CDH13: variants seen among roughly 807,000 people sequenced by gnomAD.
CDH13 encodes cadherin-13.
A neutral mutation model predicts 63.8 loss-of-function variants in CDH13; 24 were observed. That is an observed-to-expected ratio of 0.38 (90% CI 0.27 to 0.53). The LOEUF (loss-of-function observed/expected upper bound fraction) is 0.53, where lower values mean the gene tolerates loss of function less well. CDH13 is among the 20% of genes least tolerant of loss of function. CDH13 has a pLI of 0.85. For missense variants in CDH13, 1,049 were observed against 903.1 expected (o/e 1.16, Z -2.07); for synonymous variants, 503 against 355.3 (o/e 1.42, Z -4.67).
intron 2 of CDH13, among the ~76,000 whole-genome samples, chr16:82,973,791 T>A (rs112510901): frequency 6.6e-6 from 1 of 152,236 alleles, no homozygotes; most frequent in Admixed American, 6.5e-5. Flanking sequence ...TGCACAAATA[T>A]GTCTTTTTGC....
intron 1 of CDH13, among the ~76,000 whole-genome samples, chr16:82,716,797 A>G (rs1158570330): frequency 2.0e-5 from 3 of 151,612 alleles, no homozygotes; most frequent in African/African-American, 7.3e-5. Context: ...GACTTCACCC[A>G]CCAAAAATCC....
chr16:82,759,311 A>G (rs2034739976), intron 1 of CDH13, among the ~76,000 whole-genome samples: 2 of 152,188 alleles, frequency 1.3e-5, no homozygotes, highest in South Asian at 4.1e-4. Context: ...CTCTGCTCCA[A>G]AATCCTTGCC....
chr16:83,368,179 T>C (rs1168589637), intron 6 of CDH13, among the ~76,000 whole-genome samples: 1 of 152,266 alleles, frequency 6.6e-6, no homozygotes, highest in East Asian at 1.9e-4. Context: ...GCTTATTTTA[T>C]GTCTTCATTT....
At chr16:82,960,280 G>A (rs1034583360) in intron 2 of CDH13, among the ~76,000 whole-genome samples, 1 of 152,186 alleles carries the variant, frequency 6.6e-6, no homozygotes, top group South Asian at 2.1e-4. Context: ...AGAATTGTTT[G>A]TGGAAATTGG....
At chr16:83,318,424 C>T (rs1478566384) in intron 5 of CDH13, among the ~76,000 whole-genome samples, 1 of 152,122 alleles carries the variant, frequency 6.6e-6, no homozygotes, top group African/African-American at 2.4e-5. Context: ...TGTTTTTCTT[C>T]TTCTAAAAGC....
At chr16:82,945,285 G>C (rs371038307) in intron 2 of CDH13, among the ~76,000 whole-genome samples, 2 of 152,176 alleles carry the variant, frequency 1.3e-5, no homozygotes, top group South Asian at 4.1e-4. Context: ...AAACAAATGG[G>C]TGTGACTGTG....
rs189155363 is a variant in CDH13, at chr16:83,142,133, C to T, written c.483+16632C>T. On this transcript the variant is annotated intron_variant, in intron 4 of 13. Coordinates refer to ENST00000567109, the MANE Select transcript of CDH13 (RefSeq NM_001257.5). Reference sequence around the variant, plus strand: ...GTTCTACATTAAGTTGTCCCTGTGCCTGAACCATTTTTGTTTGTTTGTTTT... The same window carrying T: ...GTTCTACATTAAGTTGTCCCTGTGCTTGAACCATTTTTGTTTGTTTGTTTT... 1.1e-3 allele frequency among the ~76,000 whole-genome samples: 164 copies of T among 150,816 alleles called. 1 individual carries two copies. The highest frequency in any genetic ancestry group is 3.6e-3 in the African/African-American group (150 of 41,112).
At chr16:82,770,104 T>C (rs1315154794) in intron 1 of CDH13, among the ~76,000 whole-genome samples, 1 of 152,368 alleles carries the variant, frequency 6.6e-6, no homozygotes, top group East Asian at 1.9e-4. Context: ...AGTTCTCCTT[T>C]GAGTCAGATT....
intron 2 of CDH13, among the ~76,000 whole-genome samples, chr16:82,940,055 A>T (rs551874696): frequency 6.5e-4 from 99 of 152,274 alleles, no homozygotes; most frequent in African/African-American, 2.4e-3. Flanking sequence ...ATTTCATGAG[A>T]CTTATTCACT....
chr16:83,153,193 GA>G lies in CDH13; in HGVS notation c.483+27693del, dbSNP rs560851535. Among the ~76,000 whole-genome samples the G allele has an allele frequency of 2.6e-4, 40 of 152,258 alleles. No individual in the cohort carries two copies. The East Asian group carries it at 7.7e-3, about 29-fold the overall frequency. ...TTTTAAAGACAATTTGGTGGGAGGG[GA>G]GGGGCAGTGAGTTGGGGAGTGCTGA... On this transcript the variant is annotated intron_variant, in intron 4 of 13. Coordinates refer to ENST00000567109, the MANE Select transcript of CDH13 (RefSeq NM_001257.5).
intron 1 of CDH13, among the ~76,000 whole-genome samples, chr16:82,835,947 A>C (rs2549138): frequency 0.9 from 136,632 of 152,204 alleles, 62,355 homozygotes; most frequent in East Asian, 0.99. Flanking sequence ...AGGCTCCTCA[A>C]GTAGCAAAGT....
At chr16:82,949,010 G>A (rs1042039219) in intron 2 of CDH13, among the ~76,000 whole-genome samples, 2 of 152,160 alleles carry the variant, frequency 1.3e-5, no homozygotes, top group African/African-American at 4.8e-5. Context: ...TACATTGTGA[G>A]AGAGTTTTCA....
intron 7 of CDH13, among the ~76,000 whole-genome samples, chr16:83,527,553 C>G (rs1327807573): frequency 1.3e-5 from 2 of 152,192 alleles, no homozygotes; most frequent in Non-Finnish European, 2.9e-5. Flanking sequence ...CTACCCACAG[C>G]ATTATAGAAA....
chr16:83,060,664 A>C (rs1221608473), intron 3 of CDH13, among the ~76,000 whole-genome samples: 1 of 152,230 alleles, frequency 6.6e-6, no homozygotes, highest in Non-Finnish European at 1.5e-5. Flanking sequence ...CTGCATGCCT[A>C]ACCGCAGTGC....
chr16:83,210,836 T>G (rs1260447361), intron 4 of CDH13, among the ~76,000 whole-genome samples: 1 of 150,398 alleles, frequency 6.6e-6, no homozygotes, highest in Non-Finnish European at 1.5e-5. Context: ...CTGGATTGGA[T>G]TTTGGATTAA....
intron 2 of CDH13, among the ~76,000 whole-genome samples, chr16:82,929,230 G>T (rs756287718): frequency 2.6e-5 from 4 of 152,130 alleles, no homozygotes; most frequent in Non-Finnish European, 5.9e-5. Context: ...CCAATGTGAT[G>T]GTGTCTGGAG....
chr16:83,445,519 G>A (rs1456215371), intron 6 of CDH13, among the ~76,000 whole-genome samples: 1 of 152,104 alleles, frequency 6.6e-6, no homozygotes, highest in Non-Finnish European at 1.5e-5. Flanking sequence ...CAAGATTCTG[G>A]ACCGATAGCC....
intron 3 of CDH13, among the ~76,000 whole-genome samples, chr16:83,118,326 C>G (rs1382967051): frequency 6.6e-6 from 1 of 152,210 alleles, no homozygotes; most frequent in African/African-American, 2.4e-5. Context: ...GTCTAGGCAG[C>G]TGATGCATGT....
At chr16:82,944,767 TGAGAGAGAGAAA>T (rs1904507502) in intron 2 of CDH13, among the ~76,000 whole-genome samples, 2 of 152,050 alleles carry the variant, frequency 1.3e-5, no homozygotes, top group African/African-American at 2.4e-5. Flanking sequence ...TTTTATTTGA[TGAGAGAGAGAAA>T]GAGAGAGAGA....
Sources: gnomAD v4.1 joint callset for allele counts (sites outside exome capture counted in the v4.1 genomes callset) on GRCh38, gnomAD v4.1.1 for gene constraint, MANE v1.5 for transcripts, NCBI Gene and HGNC (gene_info 2026-07-23, HGNC 2026-07-21) for gene names.